Variants in MOB1A observed in about 807,000 individuals in gnomAD.
MOB1A encodes MOB kinase activator 1A.
In MOB1A, 10 loss-of-function variants were observed where a neutral mutation model predicts 25.1. That is an observed-to-expected ratio of 0.40 (90% CI 0.25 to 0.68). The LOEUF is 0.68. Among genes scored for constraint, MOB1A ranks in the 30% least tolerant of loss-of-function variants. The pLI is 0.40. For synonymous variants in MOB1A, 81 were observed against 79.5 expected (o/e 1.02, Z -0.10); for missense variants, 177 against 256.3 (o/e 0.69, Z 2.11).
rs1259948045 is a variant in MOB1A, at chr2:74,178,674, TC to T, written c.-1del. 1 of 1,355,534 alleles carries T rather than the reference TC, an allele frequency of 7.4e-7. No individual in the cohort carries two copies. The highest frequency in any genetic ancestry group is 9.5e-7 in the Non-Finnish European group (1 of 1,049,390). The allele number at this position is 1,355,534 out of a possible 1,614,324, so 84.0% of individuals were successfully genotyped here. A position where few individuals can be genotyped will look rare whatever the true frequency, so the allele number is the denominator to read the frequency against. On this transcript the variant is annotated 5_prime_UTR_variant, in exon 1 of 6. Coordinates refer to ENST00000396049, the MANE Select transcript of MOB1A (RefSeq NM_018221.5). ...GACCCCACTCACAAGAGGAAGCTCATCTTCGGTCCTCAGAGGGGAGGCGAGG... is the reference window on the plus strand; with the variant it reads ...GACCCCACTCACAAGAGGAAGCTCATTTCGGTCCTCAGAGGGGAGGCGAGG...
At chr2:74,159,568 T>C (rs915679397) in intron 4 of MOB1A, among the ~76,000 whole-genome samples, 1 of 152,160 alleles carries the variant, frequency 6.6e-6, no homozygotes, top group African/African-American at 2.4e-5. Context: ...ATTACAGGCA[T>C]GCCCAGCCTA....
At chr2:74,164,331 C>G (rs561813107) in intron 4 of MOB1A, 1 of 152,258 alleles carries the variant, frequency 6.6e-6, no homozygotes, top group African/African-American at 2.4e-5. Context: ...CCAGCCTGGC[C>G]AACATGGTGA....
intron 2 of MOB1A, among the ~76,000 whole-genome samples, chr2:74,170,759 T>C (rs950590409): frequency 2.0e-5 from 3 of 147,062 alleles, no homozygotes; most frequent in Non-Finnish European, 4.5e-5. Flanking sequence ...GGCATGGTGG[T>C]GTGAGCCTGT....
chr2:74,161,886 G>A (rs1310395823), intron 4 of MOB1A, among the ~76,000 whole-genome samples: 1 of 151,926 alleles, frequency 6.6e-6, no homozygotes, highest in Admixed American at 6.6e-5. Context: ...GCGCCTGGGA[G>A]GTCAAGTCCA....
intron 4 of MOB1A, among the ~76,000 whole-genome samples, chr2:74,160,976 T>C (rs914035819): frequency 4.0e-5 from 6 of 151,712 alleles, no homozygotes; most frequent in African/African-American, 9.7e-5. Context: ...GAAGAATCGC[T>C]TGAACCCAGG....
intron 2 of MOB1A, among the ~76,000 whole-genome samples, chr2:74,170,450 T>C (rs1011576335): frequency 6.6e-6 from 1 of 152,138 alleles, no homozygotes; most frequent in African/African-American, 2.4e-5. Flanking sequence ...AATAAAGTTT[T>C]TTAAAAAAGG....
chr2:74,173,948 C>CAA (rs773447145), intron 1 of MOB1A, among the ~76,000 whole-genome samples: 1,225 of 56,048 alleles, frequency 0.022, 36 homozygotes, highest in African/African-American at 0.084. Flanking sequence ...AACTCCGTCT[C>CAA]AAAAAAAAAA....
At position 74,172,704 on chromosome 2, in the gene MOB1A, T is replaced by C; in HGVS notation, c.63A>G (p.Glu21=). Residue 21 remains glutamate (E), a synonymous_variant, in exon 2 of 6, where the codon GAA becomes GAG. Coordinates refer to ENST00000396049, the MANE Select transcript of MOB1A (RefSeq NM_018221.5). ...TTAAGAGTTCATACTGATGAGATCCTTCAGGGATATTCTTCTTTGGTTTGA... is the reference window on the plus strand; with the variant it reads ...TTAAGAGTTCATACTGATGAGATCCCTCAGGGATATTCTTCTTTGGTTTGA... ...KTFKPKKNIP[E]GSHQYELLKH... 1.9e-6 allele frequency: 3 copies of C among 1,613,916 alleles called. No individual in the cohort carries two copies. Among genetic ancestry groups the C allele is most frequent in the Non-Finnish European group, 2.5e-6 (3 of 1,179,878 alleles).
intron 1 of MOB1A, chr2:74,173,196 A>G (rs1367303693): frequency 1.9e-6 from 1 of 518,226 alleles, no homozygotes; most frequent in Admixed American, 1.9e-5. Flanking sequence ...TCACAATACA[A>G]GAATGCTTTT....
intron 2 of MOB1A, among the ~76,000 whole-genome samples, chr2:74,171,728 C>A (rs1050351732): frequency 6.7e-4 from 102 of 152,034 alleles, no homozygotes; most frequent in African/African-American, 2.4e-3. Context: ...CATGGTGAAA[C>A]CTTGTCTCTA....
chr2:74,178,583 C>A, intron 1 of MOB1A, 78 bp downstream of exon 1: 1 of 1,095,544 alleles, frequency 9.1e-7, no homozygotes, highest in Non-Finnish European at 1.2e-6. Context: ...CCAGGCCGAG[C>A]CCTCGCCTCA....
intron 1 of MOB1A, among the ~76,000 whole-genome samples, chr2:74,173,990 T>G (rs1416642694): frequency 7.4e-6 from 1 of 134,904 alleles, no homozygotes; most frequent in Non-Finnish European, 1.6e-5. Context: ...GGGCCATGGC[T>G]AGGTGCGGTG....
intron 5 of MOB1A, among the ~76,000 whole-genome samples, chr2:74,158,315 C>T (rs1285759960): frequency 6.6e-6 from 1 of 151,528 alleles, no homozygotes; most frequent in Non-Finnish European, 1.5e-5. Flanking sequence ...TGGTACAGTA[C>T]ACAAAACTAT....
At chr2:74,168,178 A>T (rs1693185498) in intron 2 of MOB1A, among the ~76,000 whole-genome samples, 1 of 152,202 alleles carries the variant, frequency 6.6e-6, no homozygotes, top group Non-Finnish European at 1.5e-5. Flanking sequence ...AGAAGACAGG[A>T]TCCAAAGGCC....
At chr2:74,167,170 T>G in intron 2 of MOB1A, 63 bp from the exon 3 acceptor site, 1 of 1,289,126 alleles carries the variant, frequency 7.8e-7, no homozygotes, top group African/African-American at 1.5e-5. Context: ...GACCTCCAGT[T>G]GAAGGAAAAA....
chr2:74,176,525 G>A (rs948400199), intron 1 of MOB1A, among the ~76,000 whole-genome samples: 1 of 151,928 alleles, frequency 6.6e-6, no homozygotes, highest in African/African-American at 2.4e-5. Context: ...TGCACTTTGG[G>A]AGGCCGAGGT....
intron 4 of MOB1A, among the ~76,000 whole-genome samples, chr2:74,160,140 G>GT (rs1280337085): frequency 2.0e-5 from 3 of 152,128 alleles, no homozygotes; most frequent in African/African-American, 7.2e-5. Context: ...TGCAACAAGA[G>GT]TAAGTATTTT....
intron 1 of MOB1A, among the ~76,000 whole-genome samples, chr2:74,176,231 G>A (rs1416762945): frequency 1.7e-5 from 2 of 117,782 alleles, no homozygotes; most frequent in Non-Finnish European, 1.6e-5. Context: ...AGCTGAGATC[G>A]CACCACTGCA....
rs1031637698 is a variant in MOB1A at position 74,173,612 on chromosome 2, C to G, written c.15-860G>C. Among the ~76,000 whole-genome samples the G allele has an allele frequency of 4.0e-5, 6 of 151,268 alleles. No homozygotes were observed. The South Asian group carries it at 1.0e-3, about 26-fold the overall frequency. ...TGCCAGGCTGGTGTCGAACTCCTGA[C>G]CTCAAGTGATACACCCGCCTCAGCC... On this transcript the variant is annotated intron_variant, in intron 1 of 5. Coordinates refer to ENST00000396049, the MANE Select transcript of MOB1A (RefSeq NM_018221.5).
Sources: gnomAD v4.1 joint callset for allele counts (sites outside exome capture counted in the v4.1 genomes callset) on GRCh38, gnomAD v4.1.1 for gene constraint, MANE v1.5 for transcripts, NCBI Gene and HGNC (gene_info 2026-07-23, HGNC 2026-07-21) for gene names.